Variants in MYO7A observed in about 807,000 individuals in gnomAD.
The protein encoded by MYO7A is unconventional myosin-VIIa.
In MYO7A, 210 loss-of-function variants were observed where a neutral mutation model predicts 263.8. The ratio of observed to expected loss-of-function variants is 0.80; its 90% CI spans 0.71 to 0.89. MYO7A has a LOEUF of 0.89. MYO7A is among the 40% of genes least tolerant of loss of function. The pLI is 0.00. For synonymous variants in MYO7A, 1,239 were observed against 1,197.3 expected (o/e 1.03, Z -0.72); for missense variants, 2,820 against 2,968.3 (o/e 0.95, Z 1.16).
intron 27 of MYO7A, among the ~76,000 whole-genome samples, chr11:77,187,842 C>T (rs782737414): frequency 7.9e-5 from 12 of 152,216 alleles, no homozygotes; most frequent in Non-Finnish European, 1.6e-4. Context: ...GATGGGGAAA[C>T]TGAGGTCCAG....
rs201684313 is a variant in MYO7A, at chr11:77,161,878, G to GT, written c.1344-242_1344-241insT. Among the ~76,000 whole-genome samples, 478 of 152,282 alleles carry GT rather than the reference G, an allele frequency of 3.1e-3. 3 individuals carry two copies. The highest frequency in any genetic ancestry group is 0.01 in the Middle Eastern group (3 of 294). ...CATGCCAGGGAAAGAGTCCTGAAAA[G>GT]CCTTAGCTCTCCTTCTGGCTCACAG... On this transcript the variant is annotated intron_variant, in intron 12 of 48. Transcript: ENST00000409709.
Position 77,210,421 on chromosome 11 carries a change from T to C in MYO7A, c.6052-731T>C, listed in dbSNP as rs138975259. On this transcript the variant is annotated intron_variant, in intron 44 of 48. Coordinates refer to ENST00000409709, the MANE Select transcript of MYO7A (RefSeq NM_000260.4). ...GTGAGTGGGTGGATGGGTGGGTAGA[T>C]GGATGGACAGATAGGGAGATGGATG... is the stretch of plus-strand genomic sequence containing the variant. Among the ~76,000 whole-genome samples the C allele has an allele frequency of 6.4e-3, 974 of 152,132 alleles. 13 individuals carry two copies. Among genetic ancestry groups the C allele is most frequent in the African/African-American group, 0.023 (936 of 41,482 alleles).
Position 77,181,939 on chromosome 11 carries a change from T to C in MYO7A, c.2905-12T>C. 2 of 1,612,602 alleles carry C rather than the reference T, an allele frequency of 1.2e-6. No homozygotes were observed. The highest frequency in any genetic ancestry group is 1.7e-6 in the Non-Finnish European group (2 of 1,179,506). On this transcript the variant is annotated splice_polypyrimidine_tract_variant and intron_variant, in intron 23 of 48. Coordinates refer to ENST00000409709, the MANE Select transcript of MYO7A (RefSeq NM_000260.4). Reference sequence around the variant, plus strand: ...AGCTGGGACTCCAGGGCATACCTCTTGTCTCCTTCAGGACCTGGAGCGAGG... The same window carrying C: ...AGCTGGGACTCCAGGGCATACCTCTCGTCTCCTTCAGGACCTGGAGCGAGG...
chr11:77,166,289 G>A, intron 15 of MYO7A, 127 bp downstream of exon 15: 1 of 803,810 alleles, frequency 1.2e-6, no homozygotes, highest in Non-Finnish European at 2.1e-6. Context: ...GAGCTTTGCT[G>A]TGGCTCCAGG....
At chr11:77,178,852 G>A (rs919395237) in intron 19 of MYO7A, among the ~76,000 whole-genome samples, 193 bp from the exon 20 acceptor site, 3 of 152,188 alleles carry the variant, frequency 2.0e-5, no homozygotes, top group Non-Finnish European at 2.9e-5. Flanking sequence ...GGCCTGTGGG[G>A]CAGGCAGGGC....
chr11:77,139,953 G>A (rs1389086347), intron 2 of MYO7A, among the ~76,000 whole-genome samples: 1 of 152,132 alleles, frequency 6.6e-6, no homozygotes. Context: ...TCTCCCTGAA[G>A]CCTCTCCCCT....
intron 15 of MYO7A, among the ~76,000 whole-genome samples, chr11:77,170,438 C>T (rs541940557): frequency 6.6e-6 from 1 of 152,310 alleles, no homozygotes; most frequent in South Asian, 2.1e-4. Flanking sequence ...GCCCCTGGGA[C>T]TAGCTCCTTT....
chr11:77,129,879 G>A (rs1950716127), intron 1 of MYO7A, among the ~76,000 whole-genome samples: 1 of 152,218 alleles, frequency 6.6e-6, no homozygotes, highest in South Asian at 2.1e-4. Flanking sequence ...CACTGAGGAT[G>A]TCCAAGTATA....
At chr11:77,198,826 T>C (rs1189137455) in intron 34 of MYO7A, among the ~76,000 whole-genome samples, 1 of 152,240 alleles carries the variant, frequency 6.6e-6, no homozygotes, top group African/African-American at 2.4e-5. Context: ...AAGGCTGTTC[T>C]GAGACAGGAA....
chr11:77,180,486 G>A lies in MYO7A; in HGVS notation c.2694+5G>A. ...GAGGCCGAGCGCAAGCATCAGGTGA[G>A]CTGAGAGCCTCCAGGCACCTTAGGT... On this transcript the variant is annotated splice_donor_5th_base_variant and intron_variant, in intron 22 of 48. Coordinates refer to ENST00000409709, the MANE Select transcript of MYO7A (RefSeq NM_000260.4). 1 of 1,610,724 alleles carries A rather than the reference G, an allele frequency of 6.2e-7. No individual in the cohort carries two copies.
intron 26 of MYO7A, among the ~76,000 whole-genome samples, 189 bp from the exon 27 acceptor site, chr11:77,184,399 G>A (rs1280756046): frequency 6.6e-6 from 1 of 152,218 alleles, no homozygotes; most frequent in Non-Finnish European, 1.5e-5. Context: ...CCCCTGCTGT[G>A]TGGGCCAGTT....
intron 32 of MYO7A, among the ~76,000 whole-genome samples, chr11:77,195,257 C>T (rs1385575682): frequency 6.6e-6 from 1 of 152,154 alleles, no homozygotes; most frequent in East Asian, 1.9e-4. Flanking sequence ...CTCTGCCTCT[C>T]CCTGAGTCCT....
intron 10 of MYO7A, 29 bp from the exon 11 acceptor site, chr11:77,160,134 G>T (rs969087232): frequency 1.3e-6 from 2 of 1,544,484 alleles, no homozygotes; most frequent in Non-Finnish European, 8.7e-7. Context: ...AGGCTGGCAG[G>T]TGAGCACCTG....
Position 77,157,410 on chromosome 11 carries a change from C to A in MYO7A, c.849+18C>A. 6.4e-7 allele frequency: 1 copy of A among 1,571,792 alleles called. No homozygotes were observed. The highest frequency in any genetic ancestry group is 8.7e-7 in the Non-Finnish European group (1 of 1,152,934). On this transcript the variant is annotated intron_variant, in intron 8 of 48. Coordinates refer to ENST00000409709, the MANE Select transcript of MYO7A (RefSeq NM_000260.4). ...TGGCCATGGTGAGGCCCAGGTGGGC[C>A]CCTGGGTAGGGGGGCACCCACCCTA...
At chr11:77,143,103 C>T (rs775192230) in intron 3 of MYO7A, among the ~76,000 whole-genome samples, 5 of 152,126 alleles carry the variant, frequency 3.3e-5, no homozygotes, top group Admixed American at 2.0e-4. Context: ...GCAGGGGGAG[C>T]AGGCTAGGAG....
At chr11:77,142,887 T>C in intron 3 of MYO7A, 65 bp downstream of exon 3, 3 of 1,325,024 alleles carry the variant, frequency 2.3e-6, no homozygotes, top group Non-Finnish European at 3.2e-6. Flanking sequence ...ACAGCTGCCT[T>C]GATGCAGGGA....
chr11:77,157,878 C>A (rs1172135371), intron 8 of MYO7A, among the ~76,000 whole-genome samples: 1 of 152,204 alleles, frequency 6.6e-6, no homozygotes, highest in East Asian at 1.9e-4. Flanking sequence ...GCAGTTACCT[C>A]TCCTCTGTCT....
At position 77,155,886 on chromosome 11, in the gene MYO7A, C is replaced by A. The variant is rs1555061329; in HGVS notation, c.286-21C>A. ...TCTCCCACATGGAATCAGCGAGCTC[C>A]CCATCTCTTGCTGCCCGCAGACGTA... On this transcript the variant is annotated intron_variant, in intron 4 of 48. Coordinates refer to ENST00000409709, the MANE Select transcript of MYO7A (RefSeq NM_000260.4). 1.9e-6 allele frequency: 3 copies of A among 1,562,920 alleles called. No individual in the cohort carries two copies. The South Asian group carries it at 3.6e-5, about 19-fold the overall frequency.
intron 2 of MYO7A, among the ~76,000 whole-genome samples, chr11:77,134,781 C>CT (rs34558738): frequency 0.11 from 13,334 of 124,566 alleles, 1,154 homozygotes; most frequent in Middle Eastern, 0.14. Context: ...TACCACTTAA[C>CT]TTTTTTTTTT....
Sources: gnomAD v4.1 joint callset for allele counts (sites outside exome capture counted in the v4.1 genomes callset) on GRCh38, gnomAD v4.1.1 for gene constraint, MANE v1.5 for transcripts, NCBI Gene and HGNC (gene_info 2026-07-23, HGNC 2026-07-21) for gene names.